Variants in TUBB1 observed in about 807,000 individuals in gnomAD.
The protein encoded by TUBB1 is tubulin beta 1 class VI.
A neutral mutation model predicts 22.6 loss-of-function variants in TUBB1; 28 were observed. That is an observed-to-expected ratio of 1.24 (90% CI 0.92 to 1.70). The LOEUF is 1.70. TUBB1 is among the 40% of genes most tolerant of loss of function. The probability of loss-of-function intolerance (pLI) is 0.00; values close to 1 mark genes in which losing one functional copy is unlikely to be tolerated. For synonymous variants in TUBB1, 226 were observed against 238.0 expected, an observed-to-expected ratio of 0.95 and a Z score of 0.46; for missense variants, 577 against 605.5, an observed-to-expected ratio of 0.95 and a Z score of 0.49.
chr20:59,020,478 C>G (rs2091962654), intron 1 of TUBB1, among the ~76,000 whole-genome samples: 4 of 152,252 alleles, frequency 2.6e-5, no homozygotes, highest in Admixed American at 2.6e-4. Context: ...GCCACTGTAC[C>G]TGGCCCACTT....
At chr20:59,018,885 A>C (rs1290280022), upstream of TUBB1, among the ~76,000 whole-genome samples, 1 of 152,236 alleles carries the variant, frequency 6.6e-6, no homozygotes, top group African/African-American at 2.4e-5. Flanking sequence ...GCAGGGGTCC[A>C]AGAGACCTGC....
At chr20:59,018,168 G>A (rs1325175249), upstream of TUBB1, among the ~76,000 whole-genome samples, 1 of 152,172 alleles carries the variant, frequency 6.6e-6, no homozygotes, top group Non-Finnish European at 1.5e-5. Context: ...ATCTTCCTTG[G>A]AAGCTTCCAC....
intron 2 of TUBB1, 114 bp downstream of exon 2, chr20:59,023,067 G>C (rs993620455): frequency 2.0e-6 from 2 of 1,023,676 alleles, no homozygotes; most frequent in Non-Finnish European, 3.0e-6. Context: ...TGCTCAGGGA[G>C]GCGACAGGCA....
In TUBB1 at chr20:59,026,255, TCAA is replaced by T. The variant is rs2091993911; in HGVS notation, c.*1476_*1478del. Reference sequence around the variant, plus strand: ...AGAAAAATACCTTGCCATCGGATCATCAACAAGTCTTCTATTTACAAACTTCAA... The same window carrying T: ...AGAAAAATACCTTGCCATCGGATCATCAAGTCTTCTATTTACAAACTTCAA... On this transcript the variant is annotated 3_prime_UTR_variant, in exon 4 of 4. Coordinates refer to ENST00000217133, the MANE Select transcript of TUBB1 (RefSeq NM_030773.4). The T allele has an allele frequency of 6.6e-6, 1 of 152,358 alleles. No individual in the cohort carries two copies. Among genetic ancestry groups the T allele is most frequent in the Non-Finnish European group, 1.5e-5 (1 of 68,032 alleles). The allele number at this position is 152,358 out of a possible 1,614,324, so 9.4% of individuals were successfully genotyped here.
chr20:59,020,727 A>C (rs1458360453), intron 1 of TUBB1, among the ~76,000 whole-genome samples: 1 of 152,224 alleles, frequency 6.6e-6, no homozygotes, highest in Non-Finnish European at 1.5e-5. Context: ...TAATTAAAAT[A>C]CACTGTCTGG....
rs1006119034 is a variant in TUBB1, at chr20:59,025,644, C to A, written c.*861C>A. 1.3e-5 allele frequency: 2 copies of A among 152,176 alleles called. No individual in the cohort carries two copies. The highest frequency in any genetic ancestry group is 2.4e-5 in the African/African-American group (1 of 41,440). The allele number at this position is 152,176 out of a possible 1,614,324, so 9.4% of individuals were successfully genotyped here. On this transcript the variant is annotated 3_prime_UTR_variant, in exon 4 of 4. Transcript: ENST00000217133. ...TTTCACTTTCATTCAGTCATCACCC[C>A]CCAAAATGCTCTGCAGCCTCTCTGC...
intron 2 of TUBB1, 88 bp from the exon 3 acceptor site, chr20:59,023,402 T>C: frequency 1.7e-6 from 2 of 1,207,502 alleles, no homozygotes; most frequent in Non-Finnish European, 2.5e-6. Context: ...ATGATTTTTT[T>C]TGGACCAGTA....
At position 59,024,587 on chromosome 20, in the gene TUBB1, C is replaced by T; in HGVS notation, c.1160C>T (p.Ala387Val). 4.3e-6 allele frequency: 7 copies of T among 1,614,164 alleles called. No homozygotes were observed. The highest frequency in any genetic ancestry group is 5.9e-6 in the Non-Finnish European group (7 of 1,180,040). ...IFNRVSEHFSAMFKRKAFVHW... is the reference protein window; with the variant it reads ...IFNRVSEHFSVMFKRKAFVHW... ...AATAGGGTCTCTGAGCATTTCTCAG[C>T]CATGTTCAAAAGGAAAGCTTTTGTG... Residue 387 changes from alanine (A) to valine (V), a missense_variant, in exon 4 of 4, where the codon GCC (alanine) becomes GTC (valine). Transcript: ENST00000217133. The surrounding 1 kb of genome is among the most constrained non-coding windows in gnomAD (Gnocchi z 4.9).
In TUBB1 at chr20:59,024,038, A is replaced by G. The variant is rs1342712816; in HGVS notation, c.611A>G (p.Asn204Ser). The change falls in exon 4 of 4, where the codon AAT (asparagine) becomes AGT (serine). Residue 204 changes from asparagine to serine, a missense_variant. Asn to Ser is a conservative substitution (Grantham distance 46). Transcript: ENST00000217133. This position sits in a 1 kb window ranked among gnomAD's most constrained non-coding sequence, Gnocchi z 4.9. Reference protein sequence around the residue: ...ENADACFCIDNEALYDICFRT... With the variant: ...ENADACFCIDSEALYDICFRT... ...GCAGATGCCTGTTTCTGCATTGACA[A>G]TGAGGCCCTCTATGACATCTGCTTC... The G allele has an allele frequency of 4.3e-6, 7 of 1,614,198 alleles. No homozygotes were observed. Among genetic ancestry groups the G allele is most frequent in the Non-Finnish European group, 5.9e-6 (7 of 1,180,038 alleles).
rs76956334 is a variant in TUBB1 at position 59,023,069 on chromosome 20, C to T, written c.166+116C>T. ...GCAGTGATGTCTATGCTCAGGGAGG[C>T]GACAGGCAGGGCAGCAGGATCCTAG... On this transcript the variant is annotated intron_variant, in intron 2 of 3. Transcript: ENST00000217133. 5,451 of 1,002,766 alleles carry T rather than the reference C, an allele frequency of 5.4e-3. 293 individuals are homozygous for T. In the East Asian group the frequency reaches 0.1, roughly 19 times the overall value. 62.1% of individuals were successfully genotyped at this position (1,002,766 alleles called of 1,614,324 possible).
rs150052175 is a variant in TUBB1 at position 59,024,333 on chromosome 20, C to T, written c.906C>T (p.Ala302=). The change falls in exon 4 of 4, where the codon GCC becomes GCT. Residue 302 remains alanine (A), a synonymous_variant. Coordinates refer to ENST00000217133, the MANE Select transcript of TUBB1 (RefSeq NM_030773.4). The surrounding 1 kb of genome is among the most constrained non-coding windows in gnomAD (Gnocchi z 4.9). ...QMFDARNTMA[A]CDLRRGRYLT... Reference sequence around the variant, plus strand: ...TCGATGCCCGCAATACCATGGCTGCCTGTGACCTCCGCCGTGGCCGCTACC... The same window carrying T: ...TCGATGCCCGCAATACCATGGCTGCTTGTGACCTCCGCCGTGGCCGCTACC... 7.3e-5 allele frequency: 118 copies of T among 1,613,712 alleles called. No homozygotes were observed. Among genetic ancestry groups the T allele is most frequent in the Non-Finnish European group, 9.5e-5 (112 of 1,179,798 alleles).
At position 59,025,449 on chromosome 20, in the gene TUBB1, C is replaced by T. The variant is rs543667556; in HGVS notation, c.*666C>T. The T allele has an allele frequency of 6.5e-6, 1 of 153,234 alleles. No homozygotes were observed. Among genetic ancestry groups the T allele is most frequent in the South Asian group, 2.0e-4 (1 of 4,880 alleles). The allele number at this position is 153,234 out of a possible 1,614,324, so 9.5% of individuals were successfully genotyped here. ...AAATACCTGGTCCAAACAAGAAAAA[C>T]AAAAAGACAAGCAAAACTAAAGAAC... On this transcript the variant is annotated 3_prime_UTR_variant, in exon 4 of 4. Coordinates refer to ENST00000217133, the MANE Select transcript of TUBB1 (RefSeq NM_030773.4).
In TUBB1 at chr20:59,024,254, A is replaced by G. The variant is rs144046758; in HGVS notation, c.827A>G (p.Gln276Arg). 1,169 of 1,613,968 alleles carry G rather than the reference A, an allele frequency of 7.2e-4. 7 individuals carry two copies. The African/African-American group carries it at 0.014, about 19-fold the overall frequency. ...CCCGGCTTTGCCCCACTCACGGCCC[A>G]GGGCAGCCAGCAGTACCGAGCCCTC... ...FMPGFAPLTAQGSQQYRALSV... is the reference protein window; with the variant it reads ...FMPGFAPLTARGSQQYRALSV... The change falls in exon 4 of 4, where the codon CAG becomes CGG. Residue 276 changes from glutamine (Q) to arginine (R), a missense_variant. Coordinates refer to ENST00000217133, the MANE Select transcript of TUBB1 (RefSeq NM_030773.4). The surrounding 1 kb of genome is among the most constrained non-coding windows in gnomAD (Gnocchi z 4.9).
At position 59,024,189 on chromosome 20, in the gene TUBB1, G is replaced by A. The variant is rs774611095; in HGVS notation, c.762G>A (p.Ala254=). 2.5e-5 allele frequency: 40 copies of A among 1,614,026 alleles called. No individual in the cohort carries two copies. The highest frequency in any genetic ancestry group is 3.0e-5 in the Non-Finnish European group (35 of 1,180,032). ...GQLNADLRKL[A]VNMVPFPRLH... ...TCAACGCAGACCTGCGCAAGCTGGC[G>A]GTGAACATGGTCCCCTTCCCCCGCC... Residue 254 remains alanine, a synonymous_variant, in exon 4 of 4, where the codon GCG becomes GCA. Transcript: ENST00000217133. The surrounding 1 kb of genome is among the most constrained non-coding windows in gnomAD (Gnocchi z 4.9).
chr20:59,021,593 TATATTA>T (rs1161234546), intron 1 of TUBB1, among the ~76,000 whole-genome samples: 7 of 152,244 alleles, frequency 4.6e-5, no homozygotes, highest in Non-Finnish European at 7.3e-5. Context: ...GGCACATATC[TATATTA>T]ATAAGTACTG....
chr20:59,022,945 A>T lies in TUBB1; in HGVS notation c.158A>T (p.Glu53Val). The T allele has an allele frequency of 6.2e-7, 1 of 1,613,874 alleles. No homozygotes were observed. Among genetic ancestry groups the T allele is most frequent in the South Asian group, 1.1e-5 (1 of 91,070 alleles). The change falls in exon 2 of 4, where the codon GAA becomes GTA. Residue 53 changes from glutamate to valine, a missense_variant. Glu to Val is a moderately radical substitution (Grantham distance 121). Coordinates refer to ENST00000217133, the MANE Select transcript of TUBB1 (RefSeq NM_030773.4). ...GAGAGAATCAGCGTGTACTACAACG[A>T]AGCCTACGGTAGGACTGGCGGGGCT... ...QLERISVYYNEAYGRKYVPRA... is the reference protein window; with the variant it reads ...QLERISVYYNVAYGRKYVPRA...
upstream of TUBB1, chr20:59,019,414 A>C (rs967342052): frequency 3.6e-5 from 49 of 1,361,994 alleles, no homozygotes; most frequent in Non-Finnish European, 4.6e-5. Flanking sequence ...GGCCAGTCCC[A>C]CCACTGCAGT....
chr20:59,023,955 G>C lies in TUBB1; in HGVS notation c.528G>C (p.Ser176=). Residue 176 remains serine, a synonymous_variant, in exon 4 of 4, where the codon TCG becomes TCC. Transcript: ENST00000217133. The part of the protein sequence containing the change: ...SFSVMPSPKV[S]DTVVEPYNAV... ...GCGTCATGCCTTCTCCCAAGGTGTC[G>C]GACACTGTGGTGGAGCCCTACAACG... 6.2e-7 allele frequency: 1 copy of C among 1,614,182 alleles called. No homozygotes were observed. The highest frequency in any genetic ancestry group is 1.7e-4 in the Middle Eastern group (1 of 6,060).
Position 59,022,953 on chromosome 20 carries a change from G to A in TUBB1, c.166G>A (p.Gly56Ser), listed in dbSNP as rs780891137. 10 of 1,613,278 alleles carry A rather than the reference G, an allele frequency of 6.2e-6. No individual in the cohort carries two copies. Among genetic ancestry groups the A allele is most frequent in the African/African-American group, 5.3e-5 (4 of 74,860 alleles). Residue 56 changes from glycine to serine, a missense_variant and splice_region_variant, in exon 2 of 4, where the codon GGT becomes AGT. By Grantham distance (56) the Gly-to-Ser change is moderately conservative. Coordinates refer to ENST00000217133, the MANE Select transcript of TUBB1 (RefSeq NM_030773.4). ...RISVYYNEAY[G>S]RKYVPRAVLV... ...CAGCGTGTACTACAACGAAGCCTAC[G>A]GTAGGACTGGCGGGGCTCTGGGAGC...
Sources: gnomAD v4.1 joint callset for allele counts (sites outside exome capture counted in the v4.1 genomes callset) on GRCh38, gnomAD v4.1.1 for gene constraint, Gnocchi (gnomAD v3.1) non-coding constraint, MANE v1.5 for transcripts, NCBI Gene and HGNC (gene_info 2026-07-23, HGNC 2026-07-21) for gene names.